The following ZRANB3 variants were observed in gnomAD, a reference collection of about 807,000 sequenced individuals.
The protein encoded by ZRANB3 is zinc finger RANBP2-type containing 3.
Under a neutral mutation model 133.8 loss-of-function variants are expected in ZRANB3, and 125 were observed. That is an observed-to-expected ratio of 0.93 (90% confidence interval 0.81 to 1.08). ZRANB3 has a LOEUF of 1.08. Among genes scored for constraint, ZRANB3 ranks in the 50% least tolerant of loss-of-function variants. ZRANB3 has a pLI of 0.00. For synonymous variants in ZRANB3, 387 were observed against 432.7 expected (o/e 0.89, Z 1.31); for missense variants, 1,229 against 1,275.5 (o/e 0.96, Z 0.56).
chr2:135,511,960 A>G (rs549353666), intron 1 of ZRANB3: 2 of 730,764 alleles, frequency 2.7e-6, no homozygotes, highest in Non-Finnish European at 5.1e-6. Flanking sequence ...GGTCAATTCA[A>G]ACTGAGGGGA....
intron 1 of ZRANB3, chr2:135,511,334 T>A (rs562351054): frequency 1.2e-6 from 1 of 854,148 alleles, no homozygotes; most frequent in African/African-American, 1.7e-5. Context: ...CACATTCTTG[T>A]TCTGGTTCTG....
chr2:135,210,551 C>T (rs947275394), intron 17 of ZRANB3, among the ~76,000 whole-genome samples: 3 of 151,998 alleles, frequency 2.0e-5, no homozygotes, highest in Admixed American at 2.0e-4. Context: ...AGGCTGGTCT[C>T]GAACTGGCCT....
rs1299289199 is a variant in ZRANB3, at chr2:135,204,645, A to G, written c.3010-1682T>C. On this transcript the variant is annotated intron_variant, in intron 19 of 20. Transcript: ENST00000264159. ...GAGATCCCAGACCCAATCTCAAAAA[A>G]AAAAAATATATATATATACATATAT... is the stretch of plus-strand genomic sequence containing the variant. 3.7e-5 allele frequency among the ~76,000 whole-genome samples: 5 copies of G among 136,700 alleles called. No individual in the cohort carries two copies. In the East Asian group the frequency reaches 1.0e-3, roughly 28 times the overall value. 89.7% of individuals were successfully genotyped at this position (136,700 alleles called of 152,430 possible).
intron 12 of ZRANB3, among the ~76,000 whole-genome samples, chr2:135,256,774 A>G (rs913328219): frequency 2.0e-5 from 3 of 152,218 alleles, no homozygotes; most frequent in Admixed American, 6.5e-5. Flanking sequence ...ATTCTTAGTC[A>G]TAGGATGAGA....
intron 2 of ZRANB3, among the ~76,000 whole-genome samples, chr2:135,419,936 A>G (rs1648832058): frequency 6.6e-6 from 1 of 151,198 alleles, no homozygotes; most frequent in Admixed American, 6.6e-5. Flanking sequence ...TTTGTCTTTG[A>G]TAGGGTTTTT....
chr2:135,266,638 G>A (rs1262891789), intron 11 of ZRANB3, among the ~76,000 whole-genome samples: 1 of 151,908 alleles, frequency 6.6e-6, no homozygotes, highest in African/African-American at 2.4e-5. Flanking sequence ...GGTGGCGGGC[G>A]CCTGTAGTCC....
intron 6 of ZRANB3, among the ~76,000 whole-genome samples, chr2:135,340,299 T>C (rs757085973): frequency 3.3e-5 from 5 of 151,364 alleles, no homozygotes; most frequent in Non-Finnish European, 5.9e-5. Flanking sequence ...AGAGATGGGG[T>C]TTCACCATGT....
At chr2:135,214,358 T>C (rs1694221628) in intron 17 of ZRANB3, among the ~76,000 whole-genome samples, 1 of 152,140 alleles carries the variant, frequency 6.6e-6, no homozygotes, top group Non-Finnish European at 1.5e-5. Context: ...AATCTGCTGC[T>C]TGTTAACACA....
At chr2:135,373,605 T>A (rs1199751525) in intron 3 of ZRANB3, among the ~76,000 whole-genome samples, 1 of 151,878 alleles carries the variant, frequency 6.6e-6, no homozygotes, top group Admixed American at 6.6e-5. Context: ...CTGGCCAACA[T>A]GGCAAAACCC....
chr2:135,303,075 A>T (rs1682515500), intron 8 of ZRANB3, among the ~76,000 whole-genome samples: 1 of 152,228 alleles, frequency 6.6e-6, no homozygotes, highest in African/African-American at 2.4e-5. Context: ...TCTAACAAAA[A>T]ATTATGATCA....
chr2:135,446,069 AGTGGTGAGT>A (rs1690008084), intron 2 of ZRANB3, among the ~76,000 whole-genome samples: 2 of 151,536 alleles, frequency 1.3e-5, no homozygotes, highest in African/African-American at 4.8e-5. Flanking sequence ...AGCTGGGCAT[AGTGGTGAGT>A]GCCTGTAATC....
intron 1 of ZRANB3, chr2:135,511,712 G>A: frequency 1.3e-6 from 1 of 766,290 alleles, no homozygotes; most frequent in Non-Finnish European, 2.4e-6. Context: ...TCAACATGGA[G>A]AATCTTGGTG....
At chr2:135,276,575 T>G (rs1311536362) in intron 8 of ZRANB3, among the ~76,000 whole-genome samples, 1 of 152,208 alleles carries the variant, frequency 6.6e-6, no homozygotes, top group African/African-American at 2.4e-5. Context: ...TTAAAATCTA[T>G]GTATCTTTTA....
chr2:135,349,710 G>A (rs2104872292), intron 5 of ZRANB3, among the ~76,000 whole-genome samples: 1 of 152,032 alleles, frequency 6.6e-6, no homozygotes, highest in Admixed American at 6.6e-5. Flanking sequence ...AACACATTAT[G>A]AAGAATATTA....
intron 17 of ZRANB3, 78 bp from the exon 18 acceptor site, chr2:135,209,056 G>T: frequency 1.5e-6 from 2 of 1,346,670 alleles, no homozygotes; most frequent in Non-Finnish European, 2.1e-6. Context: ...ATTGTTCCTT[G>T]CAAAAGCAAT....
chr2:135,234,494 G>C (rs919025075), intron 12 of ZRANB3, among the ~76,000 whole-genome samples: 2 of 151,972 alleles, frequency 1.3e-5, no homozygotes, highest in East Asian at 1.9e-4. Flanking sequence ...AATATACATT[G>C]TTTTCAGCAC....
At chr2:135,283,055 CAGG>C (rs1374178080) in intron 8 of ZRANB3, among the ~76,000 whole-genome samples, 2 of 152,110 alleles carry the variant, frequency 1.3e-5, no homozygotes, top group African/African-American at 4.8e-5. Flanking sequence ...GAGGCTGGGG[CAGG>C]AGGACTGCTC....
At chr2:135,471,550 G>GT (rs1287698046) in intron 2 of ZRANB3, among the ~76,000 whole-genome samples, 1 of 152,014 alleles carries the variant, frequency 6.6e-6, no homozygotes, top group East Asian at 1.9e-4. Context: ...ACAAAATATC[G>GT]TAACTATTTT....
intron 2 of ZRANB3, among the ~76,000 whole-genome samples, chr2:135,471,213 G>A (rs1691254393): frequency 1.3e-5 from 2 of 151,926 alleles, no homozygotes; most frequent in African/African-American, 4.8e-5. Flanking sequence ...AGAACATAGT[G>A]TAAAGAGAAA....
Sources: allele counts gnomAD v4.1 joint callset (sites outside exome capture counted in the v4.1 genomes callset), GRCh38; gene constraint gnomAD v4.1.1; transcripts MANE v1.5; gene names NCBI Gene and HGNC (gene_info 2026-07-23, HGNC 2026-07-21).